The following SCN10A variants were observed in gnomAD, a reference collection of about 807,000 sequenced individuals.
SCN10A encodes sodium voltage-gated channel alpha subunit 10, also known as sodium channel protein type 10 subunit alpha.
Under a neutral mutation model 170.7 loss-of-function variants are expected in SCN10A, and 162 were observed. The ratio of observed to expected loss-of-function variants is 0.95; its 90% CI spans 0.84 to 1.08. The LOEUF is 1.08. SCN10A is among the 50% of genes least tolerant of loss of function. The pLI, the probability that SCN10A is intolerant of heterozygous loss-of-function variation, is 0.00. For missense variants in SCN10A, 2,527 were observed against 2,436.9 expected (o/e 1.04, Z -0.78); for synonymous variants, 985 against 904.6 (o/e 1.09, Z -1.59).
intron 13 of SCN10A, among the ~76,000 whole-genome samples, chr3:38,746,413 C>T (rs1398932903): frequency 6.6e-6 from 1 of 152,122 alleles, no homozygotes; most frequent in East Asian, 1.9e-4. Flanking sequence ...CCCCAGAGTT[C>T]AAGCACTGCC....
rs746883877 is a variant in SCN10A at position 38,771,337 on chromosome 3, C to T, written c.541G>A (p.Glu181Lys). The change falls in exon 5 of 28, where the codon GAG becomes AAG. Residue 181 changes from glutamate to lysine, a missense_variant. Glu to Lys is a moderately conservative substitution (Grantham distance 56). Coordinates refer to ENST00000449082, the MANE Select transcript of SCN10A (RefSeq NM_006514.4). ...CAAGGATCTCTCAGGTACGTGAACT[C>T]ATTTAGACAAAATCCTCTTGCCAGT... ...KILARGFCLN[E>K]FTYLRDPWNW... The T allele has an allele frequency of 5.6e-6, 9 of 1,614,016 alleles. No individual in the cohort carries two copies. In the East Asian group the frequency reaches 1.1e-4, roughly 20 times the overall value.
chr3:38,718,954 C>T (rs768168022), intron 20 of SCN10A, 128 bp from the exon 21 acceptor site: 60 of 825,066 alleles, frequency 7.3e-5, no homozygotes, highest in Non-Finnish European at 1.1e-4. Flanking sequence ...GTCAGCTTGC[C>T]AGTAGCATTT....
chr3:38,758,701 C>T (rs962589197), intron 8 of SCN10A, among the ~76,000 whole-genome samples: 3 of 152,152 alleles, frequency 2.0e-5, no homozygotes, highest in African/African-American at 7.2e-5. Context: ...CGGCATGCCC[C>T]GGCAGGGTTC....
At chr3:38,790,692 G>A (rs1056931623) in intron 3 of SCN10A, among the ~76,000 whole-genome samples, 2 of 151,948 alleles carry the variant, frequency 1.3e-5, no homozygotes, top group African/African-American at 2.4e-5. Flanking sequence ...ACTGCTCTAC[G>A]CAGGATGCAG....
In SCN10A at chr3:38,752,516, G is replaced by T; in HGVS notation, c.1462-4C>A. The T allele has an allele frequency of 6.4e-7, 1 of 1,558,778 alleles. No homozygotes were observed. Among genetic ancestry groups the T allele is most frequent in the Non-Finnish European group, 8.7e-7 (1 of 1,151,804 alleles). ...CAGAGGCGAGGCCTAGAAAAGACTG[G>T]GCATTGCCCCAAAGGAGCAAGAAGG... On this transcript the variant is annotated splice_polypyrimidine_tract_variant and splice_region_variant and intron_variant, in intron 11 of 27. Transcript: ENST00000449082.
chr3:38,807,805 G>A (rs1232602274), intron 1 of SCN10A, among the ~76,000 whole-genome samples: 3 of 151,946 alleles, frequency 2.0e-5, no homozygotes, highest in South Asian at 2.1e-4. Context: ...CATCAAGCAC[G>A]CAGTTGCTCA....
At chr3:38,770,863 G>C (rs1388703983) in intron 5 of SCN10A, among the ~76,000 whole-genome samples, 1 of 152,194 alleles carries the variant, frequency 6.6e-6, no homozygotes, top group Non-Finnish European at 1.5e-5. Flanking sequence ...TCTCAAGCTG[G>C]AGACTGGGAG....
chr3:38,736,962 C>CTTTTTTTTTTTTTTT (rs2063567359), intron 15 of SCN10A, among the ~76,000 whole-genome samples: 6 of 69,244 alleles, frequency 8.7e-5, no homozygotes, highest in South Asian at 4.6e-4. Flanking sequence ...CAGAAATGTT[C>CTTTTTTTTTTTTTTT]GTTTTTTTTT....
At chr3:38,774,109 T>A (rs1221181235) in intron 4 of SCN10A, among the ~76,000 whole-genome samples, 1 of 152,204 alleles carries the variant, frequency 6.6e-6, no homozygotes, top group Non-Finnish European at 1.5e-5. Context: ...TGAATAATTT[T>A]TTTTCACATC....
intron 1 of SCN10A, among the ~76,000 whole-genome samples, chr3:38,798,293 T>C (rs1163028889): frequency 1.3e-5 from 2 of 152,152 alleles, no homozygotes; most frequent in Non-Finnish European, 2.9e-5. Context: ...TTGACGGTTG[T>C]CCTGGGATTT....
At chr3:38,750,403 A>T (rs1326385799) in intron 12 of SCN10A, among the ~76,000 whole-genome samples, 1 of 152,270 alleles carries the variant, frequency 6.6e-6, no homozygotes, top group Non-Finnish European at 1.5e-5. Context: ...CTATACATCT[A>T]GGCTAAATAG....
intron 4 of SCN10A, among the ~76,000 whole-genome samples, chr3:38,778,133 T>C (rs1351243424): frequency 6.6e-6 from 1 of 152,088 alleles, no homozygotes; most frequent in East Asian, 1.9e-4. Flanking sequence ...ATCAATACTT[T>C]ATGCATGCAG....
chr3:38,701,240 A>G (rs1448096839), intron 27 of SCN10A, among the ~76,000 whole-genome samples: 1 of 152,200 alleles, frequency 6.6e-6, no homozygotes. Flanking sequence ...TGGGCCTGTC[A>G]TTCAACAACA....
intron 15 of SCN10A, among the ~76,000 whole-genome samples, chr3:38,730,538 G>T (rs1453388047): frequency 6.6e-6 from 1 of 152,136 alleles, no homozygotes; most frequent in Non-Finnish European, 1.5e-5. Context: ...CACAGATGTG[G>T]AAATAGTCAT....
chr3:38,718,698 C>G lies in SCN10A; in HGVS notation c.3636G>C (p.Lys1212Asn). The G allele has an allele frequency of 6.2e-7, 1 of 1,614,210 alleles. No individual in the cohort carries two copies. Among genetic ancestry groups the G allele is most frequent in the South Asian group, 1.1e-5 (1 of 91,080 alleles). Residue 1212 changes from lysine (K) to asparagine (N), a missense_variant, in exon 21 of 28, where the codon AAG becomes AAC. Lys to Asn is a moderately conservative substitution (Grantham distance 94). Coordinates refer to ENST00000449082, the MANE Select transcript of SCN10A (RefSeq NM_006514.4). Reference protein sequence around the residue: ...LLKWVAYGFKKYFTNAWCWLD... With the variant: ...LLKWVAYGFKNYFTNAWCWLD... ...GCCAGCACCAGGCATTGGTGAAGTACTTTTTGAAGCCATAGGCCACCCACT... is the reference window on the plus strand; with the variant it reads ...GCCAGCACCAGGCATTGGTGAAGTAGTTTTTGAAGCCATAGGCCACCCACT...
intron 4 of SCN10A, among the ~76,000 whole-genome samples, chr3:38,779,312 G>T (rs1022200474): frequency 6.6e-6 from 1 of 151,830 alleles, no homozygotes; most frequent in African/African-American, 2.4e-5. Flanking sequence ...ATTTTTTTGG[G>T]GATGTCATTG....
In SCN10A at chr3:38,712,283, A is replaced by G; in HGVS notation, c.3967T>C (p.Leu1323=). 6.2e-7 allele frequency: 1 copy of G among 1,614,210 alleles called. No homozygotes were observed. The highest frequency in any genetic ancestry group is 8.5e-7 in the Non-Finnish European group (1 of 1,180,022). Residue 1323 remains leucine (L), a synonymous_variant, in exon 23 of 28, where the codon TTG becomes CTG. Coordinates refer to ENST00000449082, the MANE Select transcript of SCN10A (RefSeq NM_006514.4). ...YTDGEFSLVP[L]SIVNNKSDCK... Reference sequence around the variant, plus strand: ...TCAGACTTGTTATTCACAATCGACAAAGGTACAAGGGAAAACTCTCCATCG... The same window carrying G: ...TCAGACTTGTTATTCACAATCGACAGAGGTACAAGGGAAAACTCTCCATCG...
intron 15 of SCN10A, among the ~76,000 whole-genome samples, chr3:38,738,594 C>T (rs1322478421): frequency 1.3e-5 from 2 of 152,210 alleles, no homozygotes; most frequent in Non-Finnish European, 2.9e-5. Context: ...GTTTTGTCAC[C>T]TCTCTTCAAG....
At chr3:38,701,625 G>T (rs1003466801) in intron 27 of SCN10A, among the ~76,000 whole-genome samples, 1 of 152,248 alleles carries the variant, frequency 6.6e-6, no homozygotes, top group Non-Finnish European at 1.5e-5. Context: ...CTTCGTGTGA[G>T]CATGGAGAAG....
Sources: gnomAD v4.1 joint callset for allele counts (sites outside exome capture counted in the v4.1 genomes callset) on GRCh38, gnomAD v4.1.1 for gene constraint, MANE v1.5 for transcripts, NCBI Gene and HGNC (gene_info 2026-07-23, HGNC 2026-07-21) for gene names.